Variants in TENM3 observed in about 807,000 individuals in gnomAD.
The protein encoded by TENM3 is teneurin-3.
A neutral mutation model predicts 255.1 loss-of-function variants in TENM3; 63 were observed. The ratio of observed to expected loss-of-function variants is 0.25; its 90% confidence interval spans 0.20 to 0.30. The LOEUF (loss-of-function observed/expected upper bound fraction) is 0.30. Among genes scored for constraint, TENM3 ranks in the 10% least tolerant of loss-of-function variants. The probability of loss-of-function intolerance (pLI) is 1.00; values close to 1 mark genes in which losing one functional copy is unlikely to be tolerated. For missense variants in TENM3, 2,929 were observed against 3,461.1 expected, an observed-to-expected ratio of 0.85 and a Z score of 3.86; for synonymous variants, 1,306 against 1,322.3, an observed-to-expected ratio of 0.99 and a Z score of 0.27.
At chr4:182,200,596 C>CT (rs1301470896) in intron 1 of TENM3, among the ~76,000 whole-genome samples, 1 of 152,122 alleles carries the variant, frequency 6.6e-6, no homozygotes, top group Non-Finnish European at 1.5e-5. Flanking sequence ...GAAGGATGCT[C>CT]TTTTTTTGTA....
the TENM3 span, among the ~76,000 whole-genome samples, chr4:182,092,465 T>C: frequency 6.6e-6 from 1 of 152,092 alleles, no homozygotes; most frequent in African/African-American, 2.4e-5. Context: ...CTGAGCAACA[T>C]AACAAGACCC....
the TENM3 span, among the ~76,000 whole-genome samples, chr4:181,928,759 A>G: frequency 2.0e-5 from 3 of 152,142 alleles, no homozygotes; most frequent in Admixed American, 6.5e-5. Context: ...GAAGGAAAAA[A>G]ATGTTAAGGG....
At chr4:181,657,912 CACTT>C in the TENM3 span, among the ~76,000 whole-genome samples, 1 of 152,104 alleles carries the variant, frequency 6.6e-6, no homozygotes, top group African/African-American at 2.4e-5. Context: ...TGTGTGTTCT[CACTT>C]ACAAGCGGGA....
the TENM3 span, among the ~76,000 whole-genome samples, chr4:181,896,156 A>G: frequency 4.2e-3 from 640 of 152,272 alleles, 14 homozygotes; most frequent in Admixed American, 0.036. Context: ...CATGGAAGAG[A>G]GCAGGCCCTG....
chr4:182,361,787 G>A (rs942022785), intron 3 of TENM3, among the ~76,000 whole-genome samples: 1 of 152,094 alleles, frequency 6.6e-6, no homozygotes, highest in Non-Finnish European at 1.5e-5. Context: ...GAGGAGGAGA[G>A]GTGCTCTGCT....
the TENM3 span, among the ~76,000 whole-genome samples, chr4:181,914,443 T>C: frequency 1.3e-5 from 2 of 152,216 alleles, no homozygotes; most frequent in African/African-American, 4.8e-5. Context: ...TATTGGGTTA[T>C]TATATCATGT....
intron 3 of TENM3, among the ~76,000 whole-genome samples, chr4:182,354,915 A>T (rs1299407049): frequency 6.6e-6 from 1 of 152,234 alleles, no homozygotes; most frequent in East Asian, 1.9e-4. Context: ...CTAAGTCTTC[A>T]TTCAACGAAT....
rs1300827760 is a variant in TENM3 at position 182,793,893 on chromosome 4, T to A, written c.7213+8T>A. 6.3e-7 allele frequency: 1 copy of A among 1,584,860 alleles called. No individual in the cohort carries two copies. The highest frequency in any genetic ancestry group is 1.2e-5 in the South Asian group (1 of 86,530). On this transcript the variant is annotated splice_region_variant and intron_variant, in intron 26 of 27. Coordinates refer to ENST00000511685, the MANE Select transcript of TENM3 (RefSeq NM_001080477.4). This position sits in a 1 kb window ranked among gnomAD's most constrained non-coding sequence, Gnocchi z 5.7. ...TGAAAGATTACATCACAGGTAAGCA[T>A]TTTGATTCCTTCCCAAGAGCTGGAG...
At chr4:182,398,733 T>C (rs1198964002) in intron 3 of TENM3, among the ~76,000 whole-genome samples, 2 of 152,170 alleles carry the variant, frequency 1.3e-5, no homozygotes, top group South Asian at 2.1e-4. Context: ...GCCAACCAGA[T>C]ATAGTTGTGA....
the TENM3 span, among the ~76,000 whole-genome samples, chr4:181,897,918 G>C: frequency 6.6e-6 from 1 of 152,022 alleles, no homozygotes; most frequent in African/African-American, 2.4e-5. Flanking sequence ...TAAAAGACTT[G>C]CTCTGCCCTT....
At chr4:182,784,177 T>G (rs1247056757) in intron 24 of TENM3, among the ~76,000 whole-genome samples, 18 of 152,168 alleles carry the variant, frequency 1.2e-4, no homozygotes, top group African/African-American at 1.9e-4. Context: ...TTCCCCATCT[T>G]TGTGGTTTTA....
the TENM3 span, among the ~76,000 whole-genome samples, chr4:181,694,283 A>G: frequency 6.6e-6 from 1 of 152,218 alleles, no homozygotes; most frequent in Non-Finnish European, 1.5e-5. Context: ...TCAAGCTATC[A>G]CTACAAAACA....
chr4:182,722,576 G>A (rs957260389), intron 13 of TENM3, among the ~76,000 whole-genome samples: 5 of 152,138 alleles, frequency 3.3e-5, no homozygotes, highest in African/African-American at 4.8e-5. Context: ...AGAGATCTCC[G>A]GGCAAAGGAA....
At chr4:182,205,511 C>A (rs1432379942) in intron 1 of TENM3, among the ~76,000 whole-genome samples, 2 of 152,142 alleles carry the variant, frequency 1.3e-5, no homozygotes, top group Non-Finnish European at 2.9e-5. Flanking sequence ...TTCCTCAGGG[C>A]CCCCCAGGTG....
At chr4:181,461,243 T>G in the TENM3 span, among the ~76,000 whole-genome samples, 1 of 152,256 alleles carries the variant, frequency 6.6e-6, no homozygotes, top group East Asian at 1.9e-4. Context: ...CAAAGTCTAT[T>G]GTAATTCTTA....
chr4:182,409,891 A>C (rs1465529574), intron 3 of TENM3, among the ~76,000 whole-genome samples: 1 of 150,936 alleles, frequency 6.6e-6, no homozygotes, highest in Non-Finnish European at 1.5e-5. Flanking sequence ...TAGTGTGATC[A>C]TGGCTCACTG....
chr4:181,712,531 G>A, the TENM3 span, among the ~76,000 whole-genome samples: 27 of 152,240 alleles, frequency 1.8e-4, no homozygotes, highest in African/African-American at 6.5e-4. Flanking sequence ...GCAGAACAGT[G>A]AGCCAATTAA....
chr4:181,626,898 T>C, the TENM3 span, among the ~76,000 whole-genome samples: 2 of 152,222 alleles, frequency 1.3e-5, no homozygotes, highest in African/African-American at 2.4e-5. Flanking sequence ...CAGGGCAAGA[T>C]AGAAGCAGAA....
intron 1 of TENM3, among the ~76,000 whole-genome samples, chr4:182,221,188 G>T (rs755549274): frequency 1.3e-5 from 2 of 152,140 alleles, no homozygotes; most frequent in Admixed American, 1.3e-4. Flanking sequence ...AAAAGACACC[G>T]TGCCTTTGTT....
Sources: allele counts gnomAD v4.1 joint callset (sites outside exome capture counted in the v4.1 genomes callset), GRCh38; gene constraint gnomAD v4.1.1; non-coding constraint Gnocchi (gnomAD v3.1); transcripts MANE v1.5; gene names NCBI Gene and HGNC (gene_info 2026-07-23, HGNC 2026-07-21).